The following ITGB7 variants were observed in gnomAD, a reference collection of about 807,000 sequenced individuals.
The protein encoded by ITGB7 is integrin beta-7.
Under a neutral mutation model 83.4 loss-of-function variants are expected in ITGB7, and 55 were observed. That is an observed-to-expected ratio of 0.66 (90% CI 0.53 to 0.83). ITGB7 has a LOEUF of 0.83. Among genes scored for constraint, ITGB7 ranks in the 40% least tolerant of loss-of-function variants. The pLI is 0.00. For missense variants in ITGB7, 921 were observed against 1,046.7 expected (o/e 0.88, Z 1.66); for synonymous variants, 454 against 423.6 (o/e 1.07, Z -0.88).
chr12:53,193,102 C>G, intron 12 of ITGB7, 38 bp downstream of exon 12: 3 of 1,562,854 alleles, frequency 1.9e-6, no homozygotes, highest in Non-Finnish European at 2.6e-6. Flanking sequence ...TTGGGAAGGC[C>G]TCTCAGACCC....
intron 7 of ITGB7, 29 bp from the exon 8 acceptor site, chr12:53,195,750 C>A: frequency 6.4e-7 from 1 of 1,561,446 alleles, no homozygotes; most frequent in East Asian, 2.2e-5. Flanking sequence ...ACAAGGTGAG[C>A]CCCACAGGTT....
At chr12:53,194,005 G>T in intron 10 of ITGB7, 104 bp from the exon 11 acceptor site, 1 of 1,321,024 alleles carries the variant, frequency 7.6e-7, no homozygotes, top group South Asian at 1.4e-5. Context: ...TGAAGGGATG[G>T]GGTCATGTTA....
chr12:53,192,009 G>T lies in ITGB7; in HGVS notation c.2166C>A (p.Asp722Glu). 6.2e-7 allele frequency: 1 copy of T among 1,612,088 alleles called. No individual in the cohort carries two copies. Among genetic ancestry groups the T allele is most frequent in the Non-Finnish European group, 8.5e-7 (1 of 1,179,182 alleles). The change falls in exon 15 of 16, where the codon GAC (aspartate) becomes GAA (glutamate). Residue 722 changes from aspartate (D) to glutamate (E), a missense_variant. Physicochemically the swap from Asp to Glu is conservative, Grantham distance 45. Transcript: ENST00000267082. ...LRVRPQEKGA[D>E]HTQAIVLGCV... ...AGCCCAGCACAATGGCCTGCGTGTG[G>T]TCTGCTCCCTCTGTGAACAAGAAAC...
In ITGB7 at chr12:53,195,606, G is replaced by T. The variant is rs754796917; in HGVS notation, c.1071+20C>A. 26 of 1,599,008 alleles carry T rather than the reference G, an allele frequency of 1.6e-5. No individual in the cohort carries two copies. The highest frequency in any genetic ancestry group is 2.0e-5 in the Non-Finnish European group (23 of 1,166,318). On this transcript the variant is annotated intron_variant, in intron 8 of 15. Transcript: ENST00000267082. ...AGGTTGGGATGGGGCTGGGGGATCT[G>T]ACATGTAGACAGCTCTCACCTGGTA...
Position 53,192,729 on chromosome 12 carries a change from G to A in ITGB7, c.1908C>T (p.Asp636=). The A allele has an allele frequency of 6.2e-7, 1 of 1,614,220 alleles. No individual in the cohort carries two copies. Among genetic ancestry groups the A allele is most frequent in the Non-Finnish European group, 8.5e-7 (1 of 1,180,044 alleles). ...CLDGYYGALC[D]QCPGCKTPCE... ...ATGGTGTCTTGCAGCCTGGGCATTGGTCGCATAGAGCACCATAGTAGCCGT... is the reference window on the plus strand; with the variant it reads ...ATGGTGTCTTGCAGCCTGGGCATTGATCGCATAGAGCACCATAGTAGCCGT... The change falls in exon 13 of 16, where the codon GAC becomes GAT. Residue 636 remains aspartate (D), a synonymous_variant. Coordinates refer to ENST00000267082, the MANE Select transcript of ITGB7 (RefSeq NM_000889.3).
rs1022731431 is a variant in ITGB7 at position 53,193,536 on chromosome 12, A to C, written c.1502+172T>G. 6.8e-6 allele frequency: 5 copies of C among 740,134 alleles called. No individual in the cohort carries two copies. The African/African-American group carries it at 7.1e-5, about 11-fold the overall frequency. The allele number at this position is 740,134 out of a possible 1,614,324, so 45.8% of individuals were successfully genotyped here. A position where few individuals can be genotyped will look rare whatever the true frequency, so the allele number is the denominator to read the frequency against. On this transcript the variant is annotated intron_variant, in intron 11 of 15. Transcript: ENST00000267082. Reference sequence around the variant, plus strand: ...GGGGTGAGAGAGTGGAGGGAGCCCCAGTCAGGGGGAGGGCCTGGACATACA... The same window carrying C: ...GGGGTGAGAGAGTGGAGGGAGCCCCCGTCAGGGGGAGGGCCTGGACATACA...
At position 53,191,868 on chromosome 12, in the gene ITGB7, G is replaced by C; in HGVS notation, c.2307C>G (p.Asn769Lys). Residue 769 changes from asparagine to lysine, a missense_variant, in exon 15 of 16, where the codon AAC (asparagine) becomes AAG (lysine). Coordinates refer to ENST00000267082, the MANE Select transcript of ITGB7 (RefSeq NM_000889.3). ...SRFEKEQQQL[N>K]WKQDSNPLYK... The stretch of plus-strand genomic sequence containing the variant: ...CAGGAAGTCTCCTCACCTGCTTCCA[G>C]TTGAGTTGTTGCTGCTCCTTCTCAA... The C allele has an allele frequency of 6.2e-7, 1 of 1,613,450 alleles. No homozygotes were observed. The highest frequency in any genetic ancestry group is 1.1e-5 in the South Asian group (1 of 91,056).
rs750485481 is a variant in ITGB7, at chr12:53,195,595, C to T, written c.1071+31G>A. On this transcript the variant is annotated intron_variant, in intron 8 of 15. Coordinates refer to ENST00000267082, the MANE Select transcript of ITGB7 (RefSeq NM_000889.3). ...GGAATTGAGAAAGGTTGGGATGGGG[C>T]TGGGGGATCTGACATGTAGACAGCT... is the stretch of plus-strand genomic sequence containing the variant. 2.8e-5 allele frequency: 45 copies of T among 1,585,302 alleles called. No homozygotes were observed. The South Asian group carries it at 4.9e-4, about 17-fold the overall frequency.
Position 53,197,420 on chromosome 12 carries a change from G to C in ITGB7, c.574+73C>G, listed in dbSNP as rs549926348. On this transcript the variant is annotated intron_variant, in intron 5 of 15. Coordinates refer to ENST00000267082, the MANE Select transcript of ITGB7 (RefSeq NM_000889.3). ...GCAAGTTGGGGCCCTTGTGAGTCCA[G>C]GATGTTGGCAGAGGCTAGGGCAGTG... 1.5e-5 allele frequency: 23 copies of C among 1,562,232 alleles called. No individual in the cohort carries two copies. In the African/African-American group the frequency reaches 3.0e-4, roughly 20 times the overall value.
Position 53,196,634 on chromosome 12 carries a change from T to C in ITGB7, c.761A>G (p.Asn254Ser). 1 of 1,613,216 alleles carries C rather than the reference T, an allele frequency of 6.2e-7. No individual in the cohort carries two copies. Among genetic ancestry groups the C allele is most frequent in the Non-Finnish European group, 8.5e-7 (1 of 1,179,584 alleles). Residue 254 changes from asparagine to serine, a missense_variant, in exon 6 of 16, where the codon AAT (asparagine) becomes AGT (serine). By Grantham distance (46) the Asn-to-Ser change is conservative. Transcript: ENST00000267082. Reference protein sequence around the residue: ...REVGRQSVSGNLDSPEGGFDA... With the variant: ...REVGRQSVSGSLDSPEGGFDA... ...GAAGCCACCTTCAGGCGAGTCCAGA[T>C]TGCCGGACACACTCTGGCGCCCCAC...
chr12:53,192,875 G>A lies in ITGB7; in HGVS notation c.1762C>T (p.His588Tyr), dbSNP rs1321509590. Reference sequence around the variant, plus strand: ...CATGCTCTGCCCGTGCGGTTGGCATGACAGTGACATACTCCACATTGGCAG... The same window carrying A: ...CATGCTCTGCCCGTGCGGTTGGCATAACAGTGACATACTCCACATTGGCAG... ...GRCQCGVCHCHANRTGRACEC... is the reference protein window; with the variant it reads ...GRCQCGVCHCYANRTGRACEC... The change falls in exon 13 of 16, where the codon CAT becomes TAT. Residue 588 changes from histidine (H) to tyrosine (Y), a missense_variant. Physicochemically the swap from His to Tyr is moderately conservative, Grantham distance 83 (BLOSUM62 2). Coordinates refer to ENST00000267082, the MANE Select transcript of ITGB7 (RefSeq NM_000889.3). 3 of 1,614,076 alleles carry A rather than the reference G, an allele frequency of 1.9e-6. No homozygotes were observed. Among genetic ancestry groups the A allele is most frequent in the African/African-American group, 1.3e-5 (1 of 74,928 alleles).
intron 7 of ITGB7, 96 bp from the exon 8 acceptor site, chr12:53,195,817 C>T: frequency 1.7e-6 from 2 of 1,158,648 alleles, no homozygotes; most frequent in East Asian, 2.4e-5. Context: ...CAAGGTTCCA[C>T]CAGCTGGAGG....
At chr12:53,206,338 T>A (rs1183942093) in intron 1 of ITGB7, among the ~76,000 whole-genome samples, 1 of 152,062 alleles carries the variant, frequency 6.6e-6, no homozygotes, top group Non-Finnish European at 1.5e-5. Flanking sequence ...CCCACTCTTT[T>A]TACAAATGGA....
At chr12:53,193,062 A>T in intron 12 of ITGB7, 78 bp downstream of exon 12, 1 of 1,430,008 alleles carries the variant, frequency 7.0e-7, no homozygotes, top group South Asian at 1.3e-5. Flanking sequence ...TTTGCCTTCC[A>T]TGCCAGGAGA....
At position 53,193,893 on chromosome 12, in the gene ITGB7, G is replaced by GA. The variant is rs765708013; in HGVS notation, c.1316dup (p.Trp440LeufsTer36). On this transcript the variant is annotated frameshift_variant, in exon 11 of 16. Transcript: ENST00000267082. LOFTEE classifies it high-confidence loss of function. Reference sequence around the variant, plus strand: ...AGTGGGTGGCTTGGAGAGAAACCCAGAAAGTCACCTGAGAAGAGGCAGGAA... The same window carrying GA: ...AGTGGGTGGCTTGGAGAGAAACCCAGAAAAGTCACCTGAGAAGAGGCAGGAA... 1 of 1,612,606 alleles carries GA rather than the reference G, an allele frequency of 6.2e-7. No homozygotes were observed. Among genetic ancestry groups the GA allele is most frequent in the Non-Finnish European group, 8.5e-7 (1 of 1,179,230 alleles).
rs1216978927 is a variant in ITGB7, at chr12:53,193,352, C to T, written c.1514G>A (p.Gly505Asp). ...GCACTCACAGAGCCGACCTAGGCGGCCAGGGGCACAGCTGGAAGGGGAAGG... is the reference window on the plus strand; with the variant it reads ...GCACTCACAGAGCCGACCTAGGCGGTCAGGGGCACAGCTGGAAGGGGAAGG... ...LQCGVCSCAP[G>D]RLGRLCECSV... The change falls in exon 12 of 16, where the codon GGC becomes GAC. Residue 505 changes from glycine (G) to aspartate (D), a missense_variant. By Grantham distance (94) the Gly-to-Asp change is moderately conservative (BLOSUM62 -1). Transcript: ENST00000267082. 1.3e-6 allele frequency: 2 copies of T among 1,583,942 alleles called. No homozygotes were observed. The highest frequency in any genetic ancestry group is 1.7e-6 in the Non-Finnish European group (2 of 1,161,058).
rs200347948 is a variant in ITGB7, at chr12:53,199,350, A to T, written c.201+893T>A. Among the ~76,000 whole-genome samples the T allele has an allele frequency of 2.0e-5, 3 of 152,114 alleles. No homozygotes were observed. The East Asian group carries it at 5.8e-4, about 29-fold the overall frequency. ...TCCTTCTTGGCCACTTAGGTAGCTC[A>T]AGCCTTTCCAGTCCCCCTCAAGCCC... is the stretch of plus-strand genomic sequence containing the variant. On this transcript the variant is annotated intron_variant, in intron 3 of 15. Coordinates refer to ENST00000267082, the MANE Select transcript of ITGB7 (RefSeq NM_000889.3).
At chr12:53,197,466 C>T in intron 5 of ITGB7, 27 bp downstream of exon 5, 1 of 1,613,880 alleles carries the variant, frequency 6.2e-7, no homozygotes, top group Non-Finnish European at 8.5e-7. Context: ...CAAGGGCTAA[C>T]AGGGCGGGAG....
chr12:53,204,568 A>G (rs111922371), intron 1 of ITGB7, among the ~76,000 whole-genome samples: 1,538 of 152,182 alleles, frequency 0.01, 13 homozygotes, highest in Non-Finnish European at 0.016. Flanking sequence ...AGCTTGGGAG[A>G]AGGGGAAGTG....
Sources: gnomAD v4.1 joint callset for allele counts (sites outside exome capture counted in the v4.1 genomes callset) on GRCh38, gnomAD v4.1.1 for gene constraint, MANE v1.5 for transcripts, NCBI Gene and HGNC (gene_info 2026-07-23, HGNC 2026-07-21) for gene names.